The following TAP2 variants were observed in gnomAD, a reference collection of about 807,000 sequenced individuals.
TAP2 encodes antigen peptide transporter 2.
TAP2 carries 49 observed loss-of-function variants against 74.7 expected under a neutral mutation model. The observed-to-expected ratio is 0.66, with a 90% CI of 0.52 to 0.83. The LOEUF (loss-of-function observed/expected upper bound fraction) is 0.83. Ranked by LOEUF, TAP2 falls within the 40% of genes least tolerant of loss-of-function variation. The pLI is 0.00. For synonymous variants in TAP2, 306 were observed against 368.4 expected (o/e 0.83, Z 1.94); for missense variants, 739 against 859.0 (o/e 0.86, Z 1.75).
In TAP2 at chr6:32,832,326, C is replaced by T. The variant is rs547573518; in HGVS notation, c.1272+7G>A. The stretch of plus-strand genomic sequence containing the variant: ...AAAAAGGAGAGCAGGCTTGGCTTCT[C>T]GCTCACCTGCACATAGCTCCCCACG... On this transcript the variant is annotated splice_region_variant and intron_variant, in intron 7 of 11. Transcript: ENST00000374897. This position sits in a 1 kb window ranked among gnomAD's most constrained non-coding sequence, Gnocchi z 5.9. The T allele has an allele frequency of 2.7e-5, 44 of 1,612,990 alleles. No individual in the cohort carries two copies. In the African/African-American group the frequency reaches 3.5e-4, roughly 13 times the overall value.
At chr6:32,829,685 G>T in intron 10 of TAP2, 149 bp from the exon 11 acceptor site, 2 of 1,327,598 alleles carry the variant, frequency 1.5e-6, no homozygotes, top group Non-Finnish European at 1.1e-6. Context: ...GAGGGCCATG[G>T]GGTGGGGACC....
rs550778027 is a variant in TAP2 at position 32,829,039 on chromosome 6, AG to A, written c.1933-6del. ...ACGGGAATTCCAGTCCTGCAGCTGAAGGGGTGATCACAGTGCCTCAGAAAGA... is the reference window on the plus strand; with the variant it reads ...ACGGGAATTCCAGTCCTGCAGCTGAAGGGTGATCACAGTGCCTCAGAAAGA... On this transcript the variant is annotated splice_region_variant and splice_polypyrimidine_tract_variant and intron_variant, in intron 11 of 11. Transcript: ENST00000374897. 13 of 1,545,388 alleles carry A rather than the reference AG, an allele frequency of 8.4e-6. No individual in the cohort carries two copies. In the East Asian group the frequency reaches 2.9e-4, roughly 35 times the overall value.
chr6:32,822,206 C>T, downstream of TAP2: 2 of 1,181,294 alleles, frequency 1.7e-6, no homozygotes, highest in South Asian at 1.4e-5. Context: ...TCACCTCATC[C>T]TGAAAAAATA....
Position 32,829,980 on chromosome 6 carries a change from G to C in TAP2, c.1745C>G (p.Ala582Gly). The C allele has an allele frequency of 6.2e-7, 1 of 1,613,092 alleles. No homozygotes were observed. Among genetic ancestry groups the C allele is most frequent in the Non-Finnish European group, 8.5e-7 (1 of 1,180,018 alleles). ...CTGGATGAAGTCATCTGCGTGGGCA[G>C]CCTGGGCAGCCGCCATCACCTTATC... ...EDDKVMAAAQAAHADDFIQEM... is the reference protein window; with the variant it reads ...EDDKVMAAAQGAHADDFIQEM... Residue 582 changes from alanine to glycine, a missense_variant, in exon 10 of 12, where the codon GCT becomes GGT. Ala to Gly is a moderately conservative substitution (Grantham distance 60, BLOSUM62 0). Coordinates refer to ENST00000374897, the MANE Select transcript of TAP2 (RefSeq NM_001290043.2).
rs112198951 is a variant in TAP2 at position 32,829,399 on chromosome 6, C to G, written c.1932+1G>C. On this transcript the variant is annotated splice_donor_variant, in intron 11 of 11. Transcript: ENST00000374897. LOFTEE classifies it high-confidence loss of function. ...GTCCCCTGCCCTCTCACGGTACTCA[C>G]GGCCTGCTCGCACTGCACATCTAGG... is the stretch of plus-strand genomic sequence containing the variant. 8.8e-6 allele frequency: 14 copies of G among 1,593,516 alleles called. No homozygotes were observed. Among genetic ancestry groups the G allele is most frequent in the Non-Finnish European group, 1.2e-5 (14 of 1,169,412 alleles).
rs1254306857 is a variant in TAP2 at position 32,826,198 on chromosome 6, T to C, written c.*2708A>G. On this transcript the variant is annotated 3_prime_UTR_variant, in exon 12 of 12. Transcript: ENST00000374897. ...TCCTGCTTGTTTCACAATTGCCATGTGGATTACAAGTGGCTATCCCTGGGT... is the reference window on the plus strand; with the variant it reads ...TCCTGCTTGTTTCACAATTGCCATGCGGATTACAAGTGGCTATCCCTGGGT... 1.0e-6 allele frequency: 1 copy of C among 985,314 alleles called. No homozygotes were observed. The highest frequency in any genetic ancestry group is 1.2e-6 in the Non-Finnish European group (1 of 829,936). 61.0% of individuals were successfully genotyped at this position (985,314 alleles called of 1,614,324 possible).
chr6:32,832,793 G>C lies in TAP2; in HGVS notation c.977C>G (p.Ala326Gly). The C allele has an allele frequency of 6.2e-7, 1 of 1,612,836 alleles. No homozygotes were observed. Among genetic ancestry groups the C allele is most frequent in the Middle Eastern group, 1.7e-4 (1 of 6,060 alleles). Residue 326 changes from alanine to glycine, a missense_variant, in exon 6 of 12, where the codon GCC (alanine) becomes GGC (glycine). By Grantham distance (60) the Ala-to-Gly change is moderately conservative (BLOSUM62 0). Coordinates refer to ENST00000374897, the MANE Select transcript of TAP2 (RefSeq NM_001290043.2). This position sits in a 1 kb window ranked among gnomAD's most constrained non-coding sequence, Gnocchi z 5.9. The stretch of plus-strand genomic sequence containing the variant: ...TTCCCGCACCACCTGCCCCGCCCTG[G>C]CCACTGCATCCTGGATCTCCCGAAG... ...EVLREIQDAV[A>G]RAGQVVREAV...
intron 10 of TAP2, 98 bp from the exon 11 acceptor site, chr6:32,829,634 G>A (rs1435648448): frequency 4.5e-6 from 7 of 1,568,140 alleles, no homozygotes; most frequent in African/African-American, 2.7e-5. Flanking sequence ...GTAGGACCTC[G>A]GGAGGTGGGA....
chr6:32,830,347 G>A lies in TAP2; in HGVS notation c.1555C>T (p.Leu519=), dbSNP rs770219308. The change falls in exon 9 of 12, where the codon CTG becomes TTG. Residue 519 remains leucine, a synonymous_variant. Transcript: ENST00000374897. ...ACCTGTCCCCCTGTGGGCTGGTACA[G>A]ATTCTGCAGCAGGGCAGCCACTGTG... ...KSTVAALLQN[L]YQPTGGQVLL... 4.3e-6 allele frequency: 7 copies of A among 1,613,120 alleles called. No homozygotes were observed. In the East Asian group the frequency reaches 1.6e-4, roughly 36 times the overall value.
At position 32,832,962 on chromosome 6, in the gene TAP2, TC is replaced by T; in HGVS notation, c.946-139del. 1 of 991,882 alleles carries T rather than the reference TC, an allele frequency of 1.0e-6. No homozygotes were observed. The highest frequency in any genetic ancestry group is 1.5e-6 in the Non-Finnish European group (1 of 653,550). The allele number at this position is 991,882 out of a possible 1,614,324, so 61.4% of individuals were successfully genotyped here. ...TCTCTCCCTCTTCCTTACTCTTCTT[TC>T]CAGAAGGAATAAGAGTGAAGGAGCA... On this transcript the variant is annotated intron_variant, in intron 5 of 11. Coordinates refer to ENST00000374897, the MANE Select transcript of TAP2 (RefSeq NM_001290043.2). This position sits in a 1 kb window ranked among gnomAD's most constrained non-coding sequence, Gnocchi z 5.9.
Position 32,835,801 on chromosome 6 carries a change from G to A in TAP2, c.609-28C>T. ...GTGGGGTAGGAGAATAAGAGGGGAG[G>A]GAGATGCAGAGAAGGAGCAAGCCAG... On this transcript the variant is annotated intron_variant, in intron 3 of 11. Transcript: ENST00000374897. This position sits in a 1 kb window ranked among gnomAD's most constrained non-coding sequence, Gnocchi z 4.0. 6.2e-7 allele frequency: 1 copy of A among 1,613,070 alleles called. No individual in the cohort carries two copies. Among genetic ancestry groups the A allele is most frequent in the Non-Finnish European group, 8.5e-7 (1 of 1,179,926 alleles).
Position 32,835,624 on chromosome 6 carries a change from C to A in TAP2, c.739+19G>T, listed in dbSNP as rs764261291. The A allele has an allele frequency of 2.9e-5, 47 of 1,612,936 alleles. No homozygotes were observed. Among genetic ancestry groups the A allele is most frequent in the Non-Finnish European group, 4.0e-5 (47 of 1,180,032 alleles). On this transcript the variant is annotated intron_variant, in intron 4 of 11. Transcript: ENST00000374897. This position sits in a 1 kb window ranked among gnomAD's most constrained non-coding sequence, Gnocchi z 4.0. ...AAGGGATGTCCATGGGAATCTCAGA[C>A]CTGGACTCCAGGCCCCACCTGTCTT...
Position 32,832,561 on chromosome 6 carries a change from G to A in TAP2, c.1143+66C>T. 3 of 1,612,290 alleles carry A rather than the reference G, an allele frequency of 1.9e-6. No individual in the cohort carries two copies. The highest frequency in any genetic ancestry group is 1.7e-6 in the Non-Finnish European group (2 of 1,179,564). On this transcript the variant is annotated intron_variant, in intron 6 of 11. Transcript: ENST00000374897. The surrounding 1 kb of genome is among the most constrained non-coding windows in gnomAD (Gnocchi z 5.9). Reference sequence around the variant, plus strand: ...GCTGCAAAGGCCTCTAGAACCAGCTGTAGTTTCCTCTTCCCTTGCCCTCCC... The same window carrying A: ...GCTGCAAAGGCCTCTAGAACCAGCTATAGTTTCCTCTTCCCTTGCCCTCCC...
At chr6:32,837,362 G>C (rs1239454040) in intron 3 of TAP2, among the ~76,000 whole-genome samples, 175 bp downstream of exon 3, 1 of 152,204 alleles carries the variant, frequency 6.6e-6, no homozygotes, top group Non-Finnish European at 1.5e-5. Context: ...GGATGAATAT[G>C]AACGAAGGAA....
At position 32,829,957 on chromosome 6, in the gene TAP2, G is replaced by A. The variant is rs767979167; in HGVS notation, c.1768C>T (p.Gln590Ter). 6.2e-7 allele frequency: 1 copy of A among 1,613,092 alleles called. No individual in the cohort carries two copies. The highest frequency in any genetic ancestry group is 8.5e-7 in the Non-Finnish European group (1 of 1,180,026). Residue 590 changes from glutamine to a stop codon, truncating the protein, a stop_gained, in exon 10 of 12, where the codon CAG becomes TAG. Coordinates refer to ENST00000374897, the MANE Select transcript of TAP2 (RefSeq NM_001290043.2). LOFTEE classifies it high-confidence loss of function. ...GTGTATATTCCATGCTCCATTTCCT[G>A]GATGAAGTCATCTGCGTGGGCAGCC... ...AQAAHADDFI[Q>*]EMEHGIYTDV...
chr6:32,834,845 G>T (rs1460236907), intron 5 of TAP2, among the ~76,000 whole-genome samples: 3 of 152,136 alleles, frequency 2.0e-5, no homozygotes, highest in African/African-American at 7.2e-5. Flanking sequence ...GGGATGTACA[G>T]ACTCCTTTGA....
intron 10 of TAP2, 89 bp from the exon 11 acceptor site, chr6:32,829,625 T>C: frequency 6.3e-7 from 1 of 1,588,642 alleles, no homozygotes; most frequent in South Asian, 1.1e-5. Flanking sequence ...GTACTTCCAG[T>C]AGGACCTCGG....
At position 32,838,234 on chromosome 6, in the gene TAP2, G is replaced by C. The variant is rs764076092; in HGVS notation, c.-1C>G. ...AGGGTCTCAGGTCAGGGAGCCGCAT[G>C]GCTCTGTCAACGGATACGAGATGAG... On this transcript the variant is annotated 5_prime_UTR_variant, in exon 2 of 12. Coordinates refer to ENST00000374897, the MANE Select transcript of TAP2 (RefSeq NM_001290043.2). 32 of 1,561,672 alleles carry C rather than the reference G, an allele frequency of 2.0e-5. 1 individual carries two copies. In the Middle Eastern group the frequency reaches 1.1e-3, roughly 55 times the overall value.
Position 32,827,058 on chromosome 6 carries a change from CA to C in TAP2, c.*1847del. 1.0e-6 allele frequency: 1 copy of C among 985,638 alleles called. No homozygotes were observed. The highest frequency in any genetic ancestry group is 1.2e-6 in the Non-Finnish European group (1 of 829,940). The allele number at this position is 985,638 out of a possible 1,614,324, so 61.1% of individuals were successfully genotyped here. A position where few individuals can be genotyped will look rare whatever the true frequency, so the allele number is the denominator to read the frequency against. On this transcript the variant is annotated 3_prime_UTR_variant, in exon 12 of 12. Transcript: ENST00000374897. ...AGGATGAAAGAAAGGCAAATCTGCACAAGAAACTGCCCACTCTCACCCCATC... is the reference window on the plus strand; with the variant it reads ...AGGATGAAAGAAAGGCAAATCTGCACAGAAACTGCCCACTCTCACCCCATC...
Sources: allele counts gnomAD v4.1 joint callset (sites outside exome capture counted in the v4.1 genomes callset), GRCh38; gene constraint gnomAD v4.1.1; non-coding constraint Gnocchi (gnomAD v3.1); transcripts MANE v1.5; gene names NCBI Gene and HGNC (gene_info 2026-07-23, HGNC 2026-07-21).